The following SCN8A variants were observed in gnomAD, a reference collection of about 807,000 sequenced individuals.
The protein encoded by SCN8A is sodium channel protein type 8 subunit alpha.
In SCN8A, 30 loss-of-function variants were observed where a neutral mutation model predicts 184.1. The observed-to-expected ratio is 0.16, with a 90% confidence interval of 0.12 to 0.22. The LOEUF is 0.22. Among genes scored for constraint, SCN8A ranks in the 10% least tolerant of loss-of-function variants. SCN8A has a pLI of 1.00. For synonymous variants in SCN8A, 852 were observed against 907.0 expected (o/e 0.94, Z 1.09); for missense variants, 1,057 against 2,498.9 (o/e 0.42, Z 12.30).
At chr12:51,730,071 A>G (rs1349307693) in intron 12 of SCN8A, among the ~76,000 whole-genome samples, 2 of 152,104 alleles carry the variant, frequency 1.3e-5, no homozygotes, top group East Asian at 1.9e-4. Context: ...GAAGTTCAGT[A>G]TATCAATTTT....
intron 2 of SCN8A, among the ~76,000 whole-genome samples, chr12:51,667,197 A>T (rs1009824872): frequency 7.9e-5 from 12 of 152,180 alleles, no homozygotes; most frequent in Admixed American, 3.9e-4. Flanking sequence ...ATCTCCCTGC[A>T]CAGGCAACCA....
At chr12:51,592,344 A>G (rs187086503) in intron 1 of SCN8A, among the ~76,000 whole-genome samples, 7 of 152,140 alleles carry the variant, frequency 4.6e-5, no homozygotes, top group African/African-American at 1.7e-4. Context: ...CAGGACTGTC[A>G]GACCCTTTCA....
At chr12:51,734,918 G>A (rs370205) in intron 12 of SCN8A, among the ~76,000 whole-genome samples, 114,896 of 152,224 alleles carry the variant, frequency 0.75, 45,885 homozygotes, top group East Asian at 0.9. Flanking sequence ...TGTCTGCAGC[G>A]CCTTTAAGCA....
rs758051471 is a variant in SCN8A at position 51,810,796 on chromosome 12, G to A, written c.*3367G>A. ...GACTCTGTAATTTAAAGCAGAGGACGAGAGGAGGAAGAAACTTCCATGTTA... is the reference window on the plus strand; with the variant it reads ...GACTCTGTAATTTAAAGCAGAGGACAAGAGGAGGAAGAAACTTCCATGTTA... On this transcript the variant is annotated 3_prime_UTR_variant, in exon 27 of 27. Transcript: ENST00000627620. 6.6e-6 allele frequency: 1 copy of A among 152,294 alleles called. No homozygotes were observed. Among genetic ancestry groups the A allele is most frequent in the South Asian group, 2.1e-4 (1 of 4,798 alleles). The allele number at this position is 152,294 out of a possible 1,614,324, so 9.4% of individuals were successfully genotyped here. A position where few individuals can be genotyped will look rare whatever the true frequency, so the allele number is the denominator to read the frequency against.
chr12:51,606,161 G>T (rs1010907758), intron 1 of SCN8A, among the ~76,000 whole-genome samples: 26 of 152,192 alleles, frequency 1.7e-4, no homozygotes, highest in African/African-American at 6.3e-4. Context: ...TGAAATCCTT[G>T]CCTAAGCCAA....
intron 21 of SCN8A, among the ~76,000 whole-genome samples, chr12:51,781,979 G>A (rs367551439): frequency 2.6e-5 from 4 of 152,196 alleles, no homozygotes; most frequent in African/African-American, 4.8e-5. Context: ...CTGTTACTCC[G>A]TGAAGCCACC....
chr12:51,683,906 A>G (rs552903860), intron 2 of SCN8A, among the ~76,000 whole-genome samples: 5 of 152,304 alleles, frequency 3.3e-5, no homozygotes, highest in South Asian at 2.1e-4. Flanking sequence ...AAGCTTAGGT[A>G]TGATTCAAAT....
chr12:51,706,365 T>G (rs1410240297), intron 10 of SCN8A, 57 bp from the exon 11 acceptor site: 2 of 1,465,422 alleles, frequency 1.4e-6, no homozygotes, highest in African/African-American at 2.8e-5. Flanking sequence ...TGGTTGGCTT[T>G]GGGTGGCTCC....
chr12:51,773,117 C>CAA (rs555971067), intron 19 of SCN8A, among the ~76,000 whole-genome samples: 4,201 of 134,424 alleles, frequency 0.031, 183 homozygotes, highest in African/African-American at 0.11. Flanking sequence ...ACTCCGTCTC[C>CAA]AAAAAAAAAA....
chr12:51,761,445 A>G (rs1942760563), intron 14 of SCN8A, among the ~76,000 whole-genome samples: 1 of 149,458 alleles, frequency 6.7e-6, no homozygotes, highest in Admixed American at 6.7e-5. Context: ...TTTATTCACT[A>G]TTTATTTATT....
At chr12:51,741,815 C>G (rs1262921116) in intron 12 of SCN8A, among the ~76,000 whole-genome samples, 1 of 151,976 alleles carries the variant, frequency 6.6e-6, no homozygotes, top group East Asian at 1.9e-4. Flanking sequence ...AGTGATTCTC[C>G]AGCCTCAGCC....
chr12:51,806,131 A>G lies in SCN8A; in HGVS notation c.4796-151A>G, dbSNP rs1365933718. 4.3e-6 allele frequency: 3 copies of G among 693,140 alleles called. No individual in the cohort carries two copies. Among genetic ancestry groups the G allele is most frequent in the African/African-American group, 3.6e-5 (2 of 55,124 alleles). The allele number at this position is 693,140 out of a possible 1,614,324, so 42.9% of individuals were successfully genotyped here. ...GCGTGAGCCCCCATGCCCAGCCAAA[A>G]TGTCACTTTTTGAGAGTTCAGACTG... On this transcript the variant is annotated intron_variant, in intron 26 of 26. Coordinates refer to ENST00000627620, the MANE Select transcript of SCN8A (RefSeq NM_001330260.2). This position sits in a 1 kb window ranked among gnomAD's most constrained non-coding sequence, Gnocchi z 8.7.
At chr12:51,702,237 G>A (rs763007836) in intron 8 of SCN8A, among the ~76,000 whole-genome samples, 1 of 149,642 alleles carries the variant, frequency 6.7e-6, no homozygotes, top group Non-Finnish European at 1.5e-5. Context: ...CAGGAGAATC[G>A]CTTGAACCCA....
At chr12:51,746,829 A>T (rs1942518753) in intron 13 of SCN8A, among the ~76,000 whole-genome samples, 1 of 152,162 alleles carries the variant, frequency 6.6e-6, no homozygotes, top group South Asian at 2.1e-4. Context: ...CTTTAGAGGT[A>T]AATTCAGTGA....
At chr12:51,651,256 T>G (rs1327878422) in intron 1 of SCN8A, among the ~76,000 whole-genome samples, 1 of 152,212 alleles carries the variant, frequency 6.6e-6, no homozygotes, top group African/African-American at 2.4e-5. Flanking sequence ...TTGGGGGGCC[T>G]GCTCCCAACA....
intron 11 of SCN8A, chr12:51,713,001 A>G (rs1941906224): frequency 6.3e-7 from 1 of 1,584,870 alleles, no homozygotes. Flanking sequence ...CTTGTTTAGA[A>G]AGGGCCTTTT....
Position 51,711,713 on chromosome 12 carries a change from CTT to C in SCN8A, c.1635+5011_1635+5012del, listed in dbSNP as rs34571044. Among the ~76,000 whole-genome samples the C allele has an allele frequency of 8.3e-3, 1,203 of 144,096 alleles. 7 individuals carry two copies. Among genetic ancestry groups the C allele is most frequent in the African/African-American group, 0.028 (1,108 of 39,598 alleles). The allele number at this position is 144,096 out of a possible 152,430, so 94.5% of individuals were successfully genotyped here. ...CTTTTATTTCCATAGCTTCTGAGTTCTTTTTTTTTTTTTTAGAAATTTTGAGA... is the reference window on the plus strand; with the variant it reads ...CTTTTATTTCCATAGCTTCTGAGTTCTTTTTTTTTTTTAGAAATTTTGAGA... On this transcript the variant is annotated intron_variant, in intron 11 of 26. Coordinates refer to ENST00000627620, the MANE Select transcript of SCN8A (RefSeq NM_001330260.2).
chr12:51,806,135 C>A lies in SCN8A; in HGVS notation c.4796-147C>A. 2 of 717,460 alleles carry A rather than the reference C, an allele frequency of 2.8e-6. No homozygotes were observed. Among genetic ancestry groups the A allele is most frequent in the Middle Eastern group, 4.4e-4 (1 of 2,274 alleles). The allele number at this position is 717,460 out of a possible 1,614,324, so 44.4% of individuals were successfully genotyped here. A position where few individuals can be genotyped will look rare whatever the true frequency, so the allele number is the denominator to read the frequency against. Reference sequence around the variant, plus strand: ...GAGCCCCCATGCCCAGCCAAAATGTCACTTTTTGAGAGTTCAGACTGAATA... The same window carrying A: ...GAGCCCCCATGCCCAGCCAAAATGTAACTTTTTGAGAGTTCAGACTGAATA... On this transcript the variant is annotated intron_variant, in intron 26 of 26. Coordinates refer to ENST00000627620, the MANE Select transcript of SCN8A (RefSeq NM_001330260.2). The surrounding 1 kb of genome is among the most constrained non-coding windows in gnomAD (Gnocchi z 8.7).
chr12:51,661,858 A>T (rs1175445365), intron 1 of SCN8A, among the ~76,000 whole-genome samples: 1 of 152,226 alleles, frequency 6.6e-6, no homozygotes, highest in Admixed American at 6.5e-5. Context: ...ATAAATGGAA[A>T]ATGAGCTTTT....
Sources: allele counts gnomAD v4.1 joint callset (sites outside exome capture counted in the v4.1 genomes callset), GRCh38; gene constraint gnomAD v4.1.1; non-coding constraint Gnocchi (gnomAD v3.1); transcripts MANE v1.5; gene names NCBI Gene and HGNC (gene_info 2026-07-23, HGNC 2026-07-21).